Variants in CSMD1 observed in about 807,000 individuals in gnomAD.
CSMD1 encodes CUB and Sushi multiple domains 1, also known as CUB and sushi domain-containing protein 1.
CSMD1 carries 213 observed loss-of-function variants against 417.5 expected under a neutral mutation model. The observed-to-expected ratio is 0.51, with a 90% CI of 0.46 to 0.57. The LOEUF is 0.57. Ranked by LOEUF, CSMD1 falls within the 20% of genes least tolerant of loss-of-function variation. The probability of loss-of-function intolerance (pLI) is 0.00; values close to 1 mark genes in which losing one functional copy is unlikely to be tolerated. For missense variants in CSMD1, 6,923 were observed against 4,529.7 expected (o/e 1.53, Z -15.17); for synonymous variants, 2,862 against 1,736.8 (o/e 1.65, Z -16.11).
At chr8:4,364,103 CCAT>C (rs1283577434) in intron 3 of CSMD1, among the ~76,000 whole-genome samples, 8 of 152,082 alleles carry the variant, frequency 5.3e-5, no homozygotes, top group Non-Finnish European at 1.5e-5. Flanking sequence ...ACCCCATTCC[CCAT>C]CATGTCTTTA....
chr8:3,676,793 G>C (rs900656802), intron 7 of CSMD1, among the ~76,000 whole-genome samples: 5 of 152,156 alleles, frequency 3.3e-5, no homozygotes, highest in Non-Finnish European at 7.3e-5. Flanking sequence ...TGATAGACTG[G>C]ATAAAGAAAA....
At chr8:4,262,851 C>A (rs1206455354) in intron 3 of CSMD1, among the ~76,000 whole-genome samples, 3 of 152,168 alleles carry the variant, frequency 2.0e-5, no homozygotes, top group African/African-American at 4.8e-5. Context: ...TCAAAACTGT[C>A]TTTTAAGCCA....
At chr8:3,470,024 G>C (rs573256434) in intron 11 of CSMD1, among the ~76,000 whole-genome samples, 1 of 151,996 alleles carries the variant, frequency 6.6e-6, no homozygotes, top group Admixed American at 6.6e-5. Flanking sequence ...CGCACAGATC[G>C]TGAATGTCTA....
chr8:3,985,890 T>C (rs1272950705), intron 5 of CSMD1, among the ~76,000 whole-genome samples: 1 of 151,966 alleles, frequency 6.6e-6, no homozygotes, highest in African/African-American at 2.4e-5. Context: ...CAATTCATCG[T>C]GCACTCTTAC....
At chr8:4,713,658 C>G (rs1432481761) in intron 1 of CSMD1, among the ~76,000 whole-genome samples, 1 of 152,084 alleles carries the variant, frequency 6.6e-6, no homozygotes, top group Non-Finnish European at 1.5e-5. Flanking sequence ...CGTCTCTTAA[C>G]AAAACAGAGG....
In CSMD1 at chr8:3,670,571, T is replaced by G. The variant is rs985335147; in HGVS notation, c.1009+37843A>C. Among the ~76,000 whole-genome samples, 41 of 147,024 alleles carry G rather than the reference T, an allele frequency of 2.8e-4. No homozygotes were observed. In the Admixed American group the frequency reaches 2.8e-3, roughly 10 times the overall value. ...ATCCCATATATATATGCGATATATA[T>G]ATATGGGATATATATGGGGATATAT... is the stretch of plus-strand genomic sequence containing the variant. On this transcript the variant is annotated intron_variant, in intron 7 of 69. Coordinates refer to ENST00000635120, the MANE Select transcript of CSMD1 (RefSeq NM_033225.6).
intron 26 of CSMD1, among the ~76,000 whole-genome samples, chr8:3,233,907 G>A (rs192756702): frequency 1.5e-4 from 23 of 152,252 alleles, no homozygotes; most frequent in Admixed American, 1.4e-3. Flanking sequence ...GGATCCCAGG[G>A]ATGGTAGAAA....
chr8:4,017,958 G>A (rs1169127950), intron 4 of CSMD1, among the ~76,000 whole-genome samples: 1 of 152,124 alleles, frequency 6.6e-6, no homozygotes, highest in African/African-American at 2.4e-5. Context: ...GGCAACTATA[G>A]CGGCATGCAT....
chr8:3,817,727 A>C (rs1216792378), intron 5 of CSMD1, among the ~76,000 whole-genome samples: 4 of 152,170 alleles, frequency 2.6e-5, no homozygotes, highest in Admixed American at 1.3e-4. Flanking sequence ...TTCAGAATAA[A>C]GAGCTAAGGA....
chr8:3,540,047 C>G (rs1369554687), intron 10 of CSMD1, among the ~76,000 whole-genome samples: 1 of 152,156 alleles, frequency 6.6e-6, no homozygotes, highest in African/African-American at 2.4e-5. Context: ...GCTGTGTGCA[C>G]CACACTGCAA....
intron 5 of CSMD1, among the ~76,000 whole-genome samples, chr8:3,990,502 T>G (rs1404186372): frequency 6.6e-6 from 1 of 152,178 alleles, no homozygotes; most frequent in African/African-American, 2.4e-5. Context: ...CTGGACAATT[T>G]TATGGAATCT....
At chr8:3,495,925 C>T (rs150819257) in intron 10 of CSMD1, among the ~76,000 whole-genome samples, 6 of 152,090 alleles carry the variant, frequency 3.9e-5, no homozygotes, top group African/African-American at 9.6e-5. Context: ...CCTTAAGTTC[C>T]GGGGTACATG....
At chr8:3,017,254 G>A (rs930096137) in intron 52 of CSMD1, among the ~76,000 whole-genome samples, 1 of 152,204 alleles carries the variant, frequency 6.6e-6, no homozygotes, top group Non-Finnish European at 1.5e-5. Flanking sequence ...GCTCCAGGCA[G>A]AAGAGCTTGT....
intron 26 of CSMD1, among the ~76,000 whole-genome samples, chr8:3,237,144 A>G (rs1313695897): frequency 1.3e-5 from 2 of 151,744 alleles, no homozygotes; most frequent in African/African-American, 4.8e-5. Flanking sequence ...ATCTTTTTGC[A>G]ACTAGATAAG....
At chr8:4,113,223 GCTC>G (rs947547719) in intron 3 of CSMD1, among the ~76,000 whole-genome samples, 1 of 151,852 alleles carries the variant, frequency 6.6e-6, no homozygotes, top group African/African-American at 2.4e-5. Flanking sequence ...TCCTACAGTG[GCTC>G]CTATGTGTTC....
intron 1 of CSMD1, among the ~76,000 whole-genome samples, chr8:4,785,047 G>T (rs1362639011): frequency 6.6e-6 from 1 of 152,196 alleles, no homozygotes; most frequent in Non-Finnish European, 1.5e-5. Flanking sequence ...ATTATTAGAA[G>T]TGGATATTTA....
intron 2 of CSMD1, among the ~76,000 whole-genome samples, chr8:4,590,204 C>T (rs1479330154): frequency 1.3e-5 from 2 of 151,624 alleles, no homozygotes; most frequent in Non-Finnish European, 2.9e-5. Flanking sequence ...ACCAGGATAA[C>T]TCATCTGTGG....
At chr8:4,868,853 A>G (rs1287482606) in intron 1 of CSMD1, among the ~76,000 whole-genome samples, 1 of 151,956 alleles carries the variant, frequency 6.6e-6, no homozygotes, top group Non-Finnish European at 1.5e-5. Flanking sequence ...TTGATAACCA[A>G]TTTCAGATGA....
At chr8:4,672,283 C>G (rs543171016) in intron 1 of CSMD1, among the ~76,000 whole-genome samples, 1 of 152,254 alleles carries the variant, frequency 6.6e-6, no homozygotes, top group African/African-American at 2.4e-5. Context: ...CTTGTGCTCT[C>G]CCAAATGAAA....
Sources: gnomAD v4.1 joint callset for allele counts (sites outside exome capture counted in the v4.1 genomes callset) on GRCh38, gnomAD v4.1.1 for gene constraint, MANE v1.5 for transcripts, NCBI Gene and HGNC (gene_info 2026-07-23, HGNC 2026-07-21) for gene names.